The following CAPZB variants were observed in gnomAD, a reference collection of about 807,000 sequenced individuals.
CAPZB encodes capping actin protein of muscle Z-line subunit beta, also known as F-actin-capping protein subunit beta.
In CAPZB, 2 loss-of-function variants were observed where a neutral mutation model predicts 38.1. The ratio of observed to expected loss-of-function variants is 0.05; its 90% CI spans 0.02 to 0.17. The LOEUF is 0.17. Among genes scored for constraint, CAPZB ranks in the 10% least tolerant of loss-of-function variants. The probability of loss-of-function intolerance (pLI) is 1.00; values close to 1 mark genes in which losing one functional copy is unlikely to be tolerated. For synonymous variants in CAPZB, 107 were observed against 127.4 expected, an observed-to-expected ratio of 0.84 and a Z score of 1.08; for missense variants, 161 against 334.2, an observed-to-expected ratio of 0.48 and a Z score of 4.04.
intron 1 of CAPZB, among the ~76,000 whole-genome samples, chr1:19,468,624 G>C (rs1269617356): frequency 6.6e-6 from 1 of 152,134 alleles, no homozygotes; most frequent in East Asian, 1.9e-4. Flanking sequence ...ATAGAAGAGG[G>C]TAAATCAGAG....
At chr1:19,352,593 C>T (rs182422133) in intron 6 of CAPZB, among the ~76,000 whole-genome samples, 1 of 152,358 alleles carries the variant, frequency 6.6e-6, no homozygotes, top group Non-Finnish European at 1.5e-5. Flanking sequence ...TGGGGGGCCA[C>T]GTGGCAGTGT....
intron 2 of CAPZB, among the ~76,000 whole-genome samples, chr1:19,406,802 C>G (rs1558234118): frequency 6.6e-6 from 1 of 152,160 alleles, no homozygotes; most frequent in Non-Finnish European, 1.5e-5. Context: ...GGGAGAACAG[C>G]AGAGTATTTT....
At chr1:19,423,812 C>A (rs923225540) in intron 1 of CAPZB, among the ~76,000 whole-genome samples, 45 of 152,072 alleles carry the variant, frequency 3.0e-4, no homozygotes, top group Non-Finnish European at 8.8e-5. Context: ...CTCAGCCCTC[C>A]AAGTAGCTGG....
Position 19,379,618 on chromosome 1 carries a change from A to G in CAPZB, c.216-965T>C, listed in dbSNP as rs188628791. ...ACGTGAACACAGGATAGCTTTTCCA[A>G]CATCCAAGAGCTATGCACACATATG... On this transcript the variant is annotated intron_variant, in intron 3 of 8. Coordinates refer to ENST00000264202, the MANE Select transcript of CAPZB (RefSeq NM_004930.5). 2.0e-4 allele frequency among the ~76,000 whole-genome samples: 31 copies of G among 152,366 alleles called. 1 individual carries two copies. The highest frequency in any genetic ancestry group is 2.0e-3 in the Admixed American group (31 of 15,302).
chr1:19,447,134 GCT>G (rs559618996), intron 1 of CAPZB, among the ~76,000 whole-genome samples: 5 of 152,144 alleles, frequency 3.3e-5, no homozygotes, highest in Admixed American at 1.3e-4. Flanking sequence ...CTGGGTGCAA[GCT>G]CTCTCTTTCT....
chr1:19,469,187 A>C (rs748936268), intron 1 of CAPZB, among the ~76,000 whole-genome samples: 4 of 152,240 alleles, frequency 2.6e-5, no homozygotes, highest in South Asian at 2.1e-4. Context: ...AAGGTAAGAC[A>C]GAAAGACACA....
intron 6 of CAPZB, among the ~76,000 whole-genome samples, chr1:19,350,788 G>T (rs770583401): frequency 6.6e-6 from 1 of 151,524 alleles, no homozygotes; most frequent in African/African-American, 2.4e-5. Flanking sequence ...GCTAATTTTT[G>T]TATTTTTTGT....
At chr1:19,476,175 G>GATAC (rs1449382184) in intron 1 of CAPZB, among the ~76,000 whole-genome samples, 48 of 19,976 alleles carry the variant, frequency 2.4e-3, no homozygotes, top group African/African-American at 0.01. Flanking sequence ...TAAGTAGATA[G>GATAC]ATAGATAGAT....
chr1:19,405,541 CAAAAAAAAAAAA>C lies in CAPZB; in HGVS notation c.93+14108_93+14119del, dbSNP rs10577923. Among the ~76,000 whole-genome samples the C allele has an allele frequency of 3.1e-5, 3 of 96,494 alleles. No homozygotes were observed. In the Admixed American group the frequency reaches 3.3e-4, roughly 11 times the overall value. The allele number at this position is 96,494 out of a possible 152,430, so 63.3% of individuals were successfully genotyped here. A position where few individuals can be genotyped will look rare whatever the true frequency, so the allele number is the denominator to read the frequency against. ...TGTTCAACACATAGCTAGAAAGAGG[CAAAAAAAAAAAA>C]AAAAAAAAAAAATCCCCTTGTATGA... On this transcript the variant is annotated intron_variant, in intron 2 of 8. Transcript: ENST00000264202.
intron 2 of CAPZB, among the ~76,000 whole-genome samples, chr1:19,390,002 C>T (rs954236270): frequency 3.3e-5 from 5 of 152,238 alleles, no homozygotes; most frequent in Non-Finnish European, 7.3e-5. Flanking sequence ...ACAGGCCCTC[C>T]AGCCTCAGCG....
intron 2 of CAPZB, among the ~76,000 whole-genome samples, chr1:19,411,723 T>C (rs1467623425): frequency 2.6e-5 from 4 of 152,204 alleles, no homozygotes; most frequent in African/African-American, 4.8e-5. Context: ...CTCATCAGAA[T>C]CTGAAATCAC....
intron 1 of CAPZB, among the ~76,000 whole-genome samples, chr1:19,444,887 C>G (rs977859510): frequency 1.3e-5 from 2 of 152,058 alleles, no homozygotes; most frequent in Non-Finnish European, 2.9e-5. Context: ...GGACTACAGG[C>G]GCCTGCCACT....
chr1:19,373,447 G>A (rs573519587), intron 4 of CAPZB, among the ~76,000 whole-genome samples: 4 of 152,176 alleles, frequency 2.6e-5, no homozygotes, highest in African/African-American at 9.7e-5. Flanking sequence ...CAAAGTCAGA[G>A]CCTTTACAGA....
At chr1:19,364,788 T>C in intron 4 of CAPZB, among the ~76,000 whole-genome samples, 1 of 152,142 alleles carries the variant, frequency 6.6e-6, no homozygotes, top group Non-Finnish European at 1.5e-5. Context: ...CAATCACACC[T>C]AATCCATGCT....
intron 2 of CAPZB, among the ~76,000 whole-genome samples, chr1:19,390,705 T>C (rs1226853051): frequency 1.3e-5 from 2 of 151,454 alleles, no homozygotes; most frequent in Non-Finnish European, 2.9e-5. Flanking sequence ...GTGGGTAAAG[T>C]GAACTAGGGC....
chr1:19,348,374 T>A (rs562598028), intron 6 of CAPZB, among the ~76,000 whole-genome samples: 1 of 152,252 alleles, frequency 6.6e-6, no homozygotes, highest in Admixed American at 6.5e-5. Context: ...TGTGTGCCAC[T>A]GTACCCTGCT....
In CAPZB at chr1:19,339,433, G is replaced by A. The variant is rs767568613; in HGVS notation, c.*97C>T. 8 of 878,476 alleles carry A rather than the reference G, an allele frequency of 9.1e-6. No homozygotes were observed. Among genetic ancestry groups the A allele is most frequent in the South Asian group, 4.0e-5 (3 of 75,106 alleles). The allele number at this position is 878,476 out of a possible 1,614,324, so 54.4% of individuals were successfully genotyped here. A position where few individuals can be genotyped will look rare whatever the true frequency, so the allele number is the denominator to read the frequency against. ...TGATGCAGCTGTTATGTGACCTGTCGGGGAGGGAAGGGACGAGGGAAGGGA... is the reference window on the plus strand; with the variant it reads ...TGATGCAGCTGTTATGTGACCTGTCAGGGAGGGAAGGGACGAGGGAAGGGA... On this transcript the variant is annotated 3_prime_UTR_variant, in exon 9 of 9. Transcript: ENST00000264202.
intron 6 of CAPZB, 57 bp from the exon 7 acceptor site, chr1:19,345,309 A>C: frequency 2.9e-6 from 4 of 1,395,166 alleles, no homozygotes; most frequent in Non-Finnish European, 4.1e-6. Flanking sequence ...TGAGAACGGC[A>C]GACAGCCCAC....
At chr1:19,463,012 G>A (rs141860410) in intron 1 of CAPZB, among the ~76,000 whole-genome samples, 261 of 152,326 alleles carry the variant, frequency 1.7e-3, no homozygotes, top group African/African-American at 6.0e-3. Context: ...GGACAGCACA[G>A]CTGCAAAGAG....
Sources: allele counts gnomAD v4.1 joint callset (sites outside exome capture counted in the v4.1 genomes callset), GRCh38; gene constraint gnomAD v4.1.1; transcripts MANE v1.5; gene names NCBI Gene and HGNC (gene_info 2026-07-23, HGNC 2026-07-21).